The following ABCC2 variants were observed in gnomAD, a reference collection of about 807,000 sequenced individuals.
ABCC2 encodes the protein ATP binding cassette subfamily C member 2, also known as ATP-binding cassette sub-family C member 2.
A neutral mutation model predicts 173.4 loss-of-function variants in ABCC2; 157 were observed. The observed-to-expected ratio is 0.91, with a 90% CI of 0.80 to 1.03. The LOEUF (loss-of-function observed/expected upper bound fraction) is 1.03. Ranked by LOEUF, ABCC2 falls within the 50% of genes least tolerant of loss-of-function variation. The probability of loss-of-function intolerance (pLI) is 0.00; values close to 1 mark genes in which losing one functional copy is unlikely to be tolerated. For missense variants in ABCC2, 1,822 were observed against 1,852.3 expected (o/e 0.98, Z 0.30); for synonymous variants, 657 against 693.5 (o/e 0.95, Z 0.83).
At chr10:99,840,937 A>C (rs1441753394) in intron 25 of ABCC2, among the ~76,000 whole-genome samples, 1 of 151,872 alleles carries the variant, frequency 6.6e-6, no homozygotes, top group Non-Finnish European at 1.5e-5. Flanking sequence ...CAGAAAACCT[A>C]GGGGCTCCAG....
rs1176260311 is a variant in ABCC2, at chr10:99,850,706, A to G, written c.4418A>G (p.Asn1473Ser). The G allele has an allele frequency of 1.9e-6, 3 of 1,614,056 alleles. No homozygotes were observed. The highest frequency in any genetic ancestry group is 1.7e-5 in the Admixed American group (1 of 60,000). Residue 1473 changes from asparagine (N) to serine (S), a missense_variant, in exon 31 of 32, where the codon AAC becomes AGC. By Grantham distance (46) the Asn-to-Ser change is conservative (BLOSUM62 1). Transcript: ENST00000647814. ...ATAAVDLETDNLIQTTIQNEF... is the reference protein window; with the variant it reads ...ATAAVDLETDSLIQTTIQNEF... ...GCTGCGGTGGATCTAGAGACAGACAACCTCATTCAGACGACCATCCAAAAC... is the reference window on the plus strand; with the variant it reads ...GCTGCGGTGGATCTAGAGACAGACAGCCTCATTCAGACGACCATCCAAAAC...
At chr10:99,830,489 T>G (rs2038719979) in intron 20 of ABCC2, 56 bp downstream of exon 20, 1 of 1,612,952 alleles carries the variant, frequency 6.2e-7, no homozygotes, top group Non-Finnish European at 8.5e-7. Flanking sequence ...CACTTGATCT[T>G]TTTCTTTTTC....
rs879217479 is a variant in ABCC2 at position 99,794,540 on chromosome 10, T to A, written c.632+72T>A. ...TCCTCTGAAAGTGTCAGAAAGATTT[T>A]TTATTTTATTATTTTTTTTTTGAGA... On this transcript the variant is annotated intron_variant, in intron 6 of 31. Coordinates refer to ENST00000647814, the MANE Select transcript of ABCC2 (RefSeq NM_000392.5). The A allele has an allele frequency of 3.8e-5, 55 of 1,437,294 alleles. No homozygotes were observed. The South Asian group carries it at 6.4e-4, about 17-fold the overall frequency. The allele number at this position is 1,437,294 out of a possible 1,614,324, so 89.0% of individuals were successfully genotyped here. A position where few individuals can be genotyped will look rare whatever the true frequency, so the allele number is the denominator to read the frequency against.
intron 2 of ABCC2, among the ~76,000 whole-genome samples, chr10:99,790,793 T>A (rs1046162185): frequency 7.9e-5 from 12 of 152,196 alleles, no homozygotes; most frequent in African/African-American, 2.9e-4. Context: ...ATAGCACTGA[T>A]CCTATTAGTT....
intron 29 of ABCC2, 109 bp downstream of exon 29, chr10:99,845,891 G>T (rs922552721): frequency 6.6e-6 from 8 of 1,220,074 alleles, no homozygotes; most frequent in Non-Finnish European, 8.2e-6. Flanking sequence ...TCAATTCCAC[G>T]GTCTACTCGG....
At chr10:99,843,525 G>T (rs1018704660) in intron 26 of ABCC2, among the ~76,000 whole-genome samples, 5 of 152,200 alleles carry the variant, frequency 3.3e-5, no homozygotes, top group African/African-American at 1.2e-4. Context: ...TCCACCCATT[G>T]CCAGACTCTC....
At chr10:99,806,077 CTGTGTGTGTGTGTG>C (rs10559742) in intron 11 of ABCC2, among the ~76,000 whole-genome samples, 27 of 148,148 alleles carry the variant, frequency 1.8e-4, no homozygotes, top group Admixed American at 1.4e-3. Context: ...CTCTCTCTGT[CTGTGTGTGTGTGTG>C]TGTGTGTGTG....
rs200405170 is a variant in ABCC2, at chr10:99,819,115, G to C, written c.2466G>C (p.Met822Ile). 71 of 1,613,994 alleles carry C rather than the reference G, an allele frequency of 4.4e-5. 1 individual carries two copies. The highest frequency in any genetic ancestry group is 4.2e-5 in the Non-Finnish European group (49 of 1,180,016). The change falls in exon 19 of 32, where the codon ATG (methionine) becomes ATC (isoleucine). Residue 822 changes from methionine to isoleucine, a missense_variant. By Grantham distance (10) the Met-to-Ile change is conservative. Transcript: ENST00000647814. ...CTCGACTCTTGGTTACACATAGCAT[G>C]CACTTTCTTCCTCAAGTGGATGAGA... ...GKTRLLVTHS[M>I]HFLPQVDEIV...
chr10:99,847,724 G>A (rs1393498292), intron 30 of ABCC2, among the ~76,000 whole-genome samples: 1 of 152,098 alleles, frequency 6.6e-6, no homozygotes, highest in African/African-American at 2.4e-5. Flanking sequence ...TTCAAGACCA[G>A]CCTGGCCAAG....
At chr10:99,810,081 G>T in intron 13 of ABCC2, 53 bp from the exon 14 acceptor site, 2 of 1,520,600 alleles carry the variant, frequency 1.3e-6, no homozygotes, top group South Asian at 2.2e-5. Context: ...AAATCTCTCT[G>T]CTTGTGCTCG....
chr10:99,796,675 ACT>A (rs2037917513), intron 6 of ABCC2, among the ~76,000 whole-genome samples: 1 of 151,912 alleles, frequency 6.6e-6, no homozygotes, highest in African/African-American at 2.4e-5. Context: ...ACAGAGTAAG[ACT>A]CTGTCTCAAA....
chr10:99,839,341 A>G (rs866772505), intron 25 of ABCC2, among the ~76,000 whole-genome samples: 118 of 59,208 alleles, frequency 2.0e-3, no homozygotes, highest in Admixed American at 6.6e-3. Flanking sequence ...CCTCCCGGAC[A>G]GGGCGGCTGG....
intron 2 of ABCC2, among the ~76,000 whole-genome samples, chr10:99,788,345 C>T (rs1437256365): frequency 6.6e-6 from 1 of 152,124 alleles, no homozygotes; most frequent in East Asian, 1.9e-4. Flanking sequence ...CAGCCAAACT[C>T]GTACTGATAC....
At chr10:99,805,568 C>G (rs562585809) in intron 11 of ABCC2, 121 bp downstream of exon 11, 97 of 1,035,898 alleles carry the variant, frequency 9.4e-5, no homozygotes, top group Non-Finnish European at 1.4e-4. Context: ...TGTCACATGA[C>G]TTTTGTTTCA....
Position 99,844,335 on chromosome 10 carries a change from CT to C in ABCC2, c.3858del (p.Asp1287IlefsTer65). On this transcript the variant is annotated frameshift_variant, in exon 28 of 32. Coordinates refer to ENST00000647814, the MANE Select transcript of ABCC2 (RefSeq NM_000392.5). LOFTEE classifies it high-confidence loss of function. The stretch of plus-strand genomic sequence containing the variant: ...TCTCCTTGCCAGGCACCCTGGGTGA[CT>C]GATAAGAGGCCTCCGCCAGATTGGC... ...TKVENEAPWV[T>X]DKRPPPDWPS... 6.2e-7 allele frequency: 1 copy of C among 1,614,198 alleles called. No homozygotes were observed. The highest frequency in any genetic ancestry group is 8.5e-7 in the Non-Finnish European group (1 of 1,180,042).
At chr10:99,823,975 C>T (rs1156446387) in intron 19 of ABCC2, among the ~76,000 whole-genome samples, 4 of 137,460 alleles carry the variant, frequency 2.9e-5, no homozygotes, top group Admixed American at 1.5e-4. Context: ...AATGACCACT[C>T]CACAAGATCA....
chr10:99,818,627 T>C (rs906138807), intron 17 of ABCC2, among the ~76,000 whole-genome samples, 163 bp from the exon 18 acceptor site: 5 of 152,190 alleles, frequency 3.3e-5, no homozygotes, highest in Non-Finnish European at 7.3e-5. Context: ...AGGACTAAAG[T>C]TATTTATTTG....
At chr10:99,787,001 CA>C (rs200187648) in intron 2 of ABCC2, among the ~76,000 whole-genome samples, 23,182 of 110,374 alleles carry the variant, frequency 0.21, 1,867 homozygotes, top group East Asian at 0.34. Flanking sequence ...GACTCCGTCT[CA>C]AAAAAAAAAA....
Position 99,793,672 on chromosome 10 carries a change from G to C in ABCC2, c.455G>C (p.Arg152Pro), listed in dbSNP as rs371113793. ...CGTFQFQTLI[R>P]TLLQGDNSNL... ...ACTTTCCAATTTCAGACTCTGATCC[G>C]GACACTCTTACAGGTAAGGAAAAAA... The change falls in exon 4 of 32, where the codon CGG becomes CCG. Residue 152 changes from arginine to proline, a missense_variant. By Grantham distance (103) the Arg-to-Pro change is moderately radical (BLOSUM62 -2). Transcript: ENST00000647814. 6.2e-7 allele frequency: 1 copy of C among 1,613,926 alleles called. No homozygotes were observed. The highest frequency in any genetic ancestry group is 1.3e-5 in the African/African-American group (1 of 74,960).
Sources: allele counts gnomAD v4.1 joint callset (sites outside exome capture counted in the v4.1 genomes callset), GRCh38; gene constraint gnomAD v4.1.1; transcripts MANE v1.5; gene names NCBI Gene and HGNC (gene_info 2026-07-23, HGNC 2026-07-21).